Variants in EPB41L5 observed in about 807,000 individuals in gnomAD.
EPB41L5 encodes band 4.1-like protein 5.
A neutral mutation model predicts 106.6 loss-of-function variants in EPB41L5; 55 were observed. That is an observed-to-expected ratio of 0.52 (90% confidence interval 0.42 to 0.65). EPB41L5 has a LOEUF of 0.65. Among genes scored for constraint, EPB41L5 ranks in the 30% least tolerant of loss-of-function variants. The pLI, the probability that EPB41L5 is intolerant of heterozygous loss-of-function variation, is 0.00. For missense variants in EPB41L5, 871 were observed against 882.1 expected, an observed-to-expected ratio of 0.99 and a Z score of 0.16; for synonymous variants, 297 against 306.7, an observed-to-expected ratio of 0.97 and a Z score of 0.33.
rs1682412690 is a variant in EPB41L5, at chr2:120,078,536, G to A, written c.758G>A (p.Gly253Glu). The A allele has an allele frequency of 6.2e-7, 1 of 1,608,376 alleles. No individual in the cohort carries two copies. ...TATAGTTTGGGACTAACACCAACAG[G>A]AGTCCTTGTTTTTGAAGGAGATACC... Reference protein sequence around the residue: ...NDYSLGLTPTGVLVFEGDTKI... With the variant: ...NDYSLGLTPTEVLVFEGDTKI... Residue 253 changes from glycine (G) to glutamate (E), a missense_variant, in exon 10 of 25, where the codon GGA (glycine) becomes GAA (glutamate). Physicochemically the swap from Gly to Glu is moderately conservative, Grantham distance 98. Transcript: ENST00000263713.
At chr2:120,088,763 T>C (rs1230598807) in intron 11 of EPB41L5, among the ~76,000 whole-genome samples, 1 of 152,220 alleles carries the variant, frequency 6.6e-6, no homozygotes, top group African/African-American at 2.4e-5. Flanking sequence ...ATTCTGTCTT[T>C]TTCATTGTAG....
intron 22 of EPB41L5, among the ~76,000 whole-genome samples, chr2:120,167,024 T>A (rs1687444450): frequency 6.6e-6 from 1 of 152,226 alleles, no homozygotes; most frequent in Non-Finnish European, 1.5e-5. Context: ...CTAAACAGAT[T>A]ATTTTTCTGT....
chr2:120,075,028 A>T (rs950740816), intron 5 of EPB41L5, among the ~76,000 whole-genome samples: 1 of 152,178 alleles, frequency 6.6e-6, no homozygotes, highest in Admixed American at 6.5e-5. Context: ...GGGTTTCGCC[A>T]TGTTGGCCAG....
intron 3 of EPB41L5, among the ~76,000 whole-genome samples, chr2:120,046,204 T>C (rs1360488795): frequency 1.3e-5 from 2 of 152,218 alleles, no homozygotes; most frequent in African/African-American, 4.8e-5. Context: ...ATGGTATTTC[T>C]AGTTCTAGAT....
Position 120,075,510 on chromosome 2 carries a change from C to G in EPB41L5, c.442C>G (p.Leu148Val). 6.4e-7 allele frequency: 1 copy of G among 1,556,094 alleles called. No individual in the cohort carries two copies. Among genetic ancestry groups the G allele is most frequent in the Non-Finnish European group, 8.8e-7 (1 of 1,134,142 alleles). The change falls in exon 6 of 25, where the codon CTC (leucine) becomes GTC (valine). Residue 148 changes from leucine (L) to valine (V), a missense_variant. Physicochemically the swap from Leu to Val is conservative, Grantham distance 32 (BLOSUM62 1). Coordinates refer to ENST00000263713, the MANE Select transcript of EPB41L5 (RefSeq NM_020909.4). ...LFVLQLKQDI[L>V]SGKLDCPFDT... is the part of the protein sequence containing the mutation. Reference sequence around the variant, plus strand: ...TGTTCTTCAGTTAAAACAAGATATTCTCAGTGGAAAGTGAGTATTAGTTAT... The same window carrying G: ...TGTTCTTCAGTTAAAACAAGATATTGTCAGTGGAAAGTGAGTATTAGTTAT...
chr2:120,025,598 A>T (rs1678250535), intron 2 of EPB41L5, among the ~76,000 whole-genome samples: 1 of 152,152 alleles, frequency 6.6e-6, no homozygotes, highest in Non-Finnish European at 1.5e-5. Context: ...TCTTGTACAG[A>T]TGCTAAAGGC....
intron 3 of EPB41L5, among the ~76,000 whole-genome samples, chr2:120,049,715 G>T (rs905334102): frequency 2.6e-5 from 4 of 152,112 alleles, no homozygotes; most frequent in Non-Finnish European, 5.9e-5. Flanking sequence ...TGTGATGTTA[G>T]CTGGTTATTT....
chr2:120,145,913 T>A (rs376282178), intron 19 of EPB41L5, among the ~76,000 whole-genome samples: 1 of 150,712 alleles, frequency 6.6e-6, no homozygotes, highest in South Asian at 2.1e-4. Context: ...ACCACTGCAC[T>A]CCAGCCTGGG....
intron 11 of EPB41L5, among the ~76,000 whole-genome samples, chr2:120,087,567 C>T (rs1234995619): frequency 1.3e-5 from 2 of 152,184 alleles, no homozygotes; most frequent in African/African-American, 2.4e-5. Flanking sequence ...CTGTAACCTT[C>T]ACCTTCTGGG....
At chr2:120,059,103 AC>A (rs1202354676) in intron 3 of EPB41L5, among the ~76,000 whole-genome samples, 1 of 152,254 alleles carries the variant, frequency 6.6e-6, no homozygotes, top group Non-Finnish European at 1.5e-5. Context: ...TGGCAAAGCG[AC>A]AGACATGTAG....
intron 18 of EPB41L5, among the ~76,000 whole-genome samples, chr2:120,133,374 C>T (rs1468842088): frequency 6.6e-6 from 1 of 152,092 alleles, no homozygotes. Flanking sequence ...GAAAGACAGT[C>T]TTGAATGGCT....
intron 2 of EPB41L5, among the ~76,000 whole-genome samples, chr2:120,021,595 C>T (rs993939142): frequency 3.9e-5 from 6 of 152,072 alleles, no homozygotes; most frequent in Admixed American, 2.0e-4. Flanking sequence ...GAGCTGAATT[C>T]GCACCACTGC....
At chr2:120,123,648 T>A (rs997782718) in intron 16 of EPB41L5, among the ~76,000 whole-genome samples, 2 of 113,234 alleles carry the variant, frequency 1.8e-5, no homozygotes, top group Non-Finnish European at 3.5e-5. Context: ...GTTCGTCCCT[T>A]TTTTTTTTTT....
At chr2:120,158,407 AC>A (rs1686992332) in intron 20 of EPB41L5, among the ~76,000 whole-genome samples, 1 of 152,258 alleles carries the variant, frequency 6.6e-6, no homozygotes, top group Admixed American at 6.5e-5. Flanking sequence ...AAATAGCTAT[AC>A]CCCTGGGATG....
intron 3 of EPB41L5, among the ~76,000 whole-genome samples, chr2:120,046,454 T>C: frequency 6.6e-6 from 1 of 152,150 alleles, no homozygotes; most frequent in East Asian, 1.9e-4. Flanking sequence ...ATAAATGTGT[T>C]CTTTTGAGAA....
chr2:120,042,731 A>G (rs774272357), intron 3 of EPB41L5, among the ~76,000 whole-genome samples: 3 of 152,132 alleles, frequency 2.0e-5, no homozygotes, highest in Non-Finnish European at 4.4e-5. Flanking sequence ...TTCAAACTGA[A>G]TGCCCAAAGT....
chr2:120,177,535 C>T lies in EPB41L5; in HGVS notation c.*2628C>T, dbSNP rs1291234049. On this transcript the variant is annotated 3_prime_UTR_variant, in exon 25 of 25. Coordinates refer to ENST00000263713, the MANE Select transcript of EPB41L5 (RefSeq NM_020909.4). ...GGTTTAAAATAAGACGTGAAGGTTT[C>T]AGTTACCTGCTCTAGACTTTGCCTG... 1 of 152,172 alleles carries T rather than the reference C, an allele frequency of 6.6e-6. No individual in the cohort carries two copies. Among genetic ancestry groups the T allele is most frequent in the Admixed American group, 6.5e-5 (1 of 15,272 alleles). 9.4% of individuals were successfully genotyped at this position (152,172 alleles called of 1,614,324 possible).
At chr2:120,079,597 A>T (rs1429623152) in intron 10 of EPB41L5, among the ~76,000 whole-genome samples, 1 of 152,174 alleles carries the variant, frequency 6.6e-6, no homozygotes, top group Non-Finnish European at 1.5e-5. Context: ...ACTGCTCGAT[A>T]AAGCCTGTTC....
In EPB41L5 at chr2:120,146,308, T is replaced by A. The variant is rs1346966446; in HGVS notation, c.1793+19T>A. 6.4e-7 allele frequency: 1 copy of A among 1,555,454 alleles called. No homozygotes were observed. The highest frequency in any genetic ancestry group is 8.8e-7 in the Non-Finnish European group (1 of 1,131,662). ...CAAACAGGTACAGTTCTGGGTAGAC[T>A]GAATTAAATTGATGTTCTTATCTAT... On this transcript the variant is annotated intron_variant, in intron 20 of 24. Coordinates refer to ENST00000263713, the MANE Select transcript of EPB41L5 (RefSeq NM_020909.4).
Sources: gnomAD v4.1 joint callset for allele counts (sites outside exome capture counted in the v4.1 genomes callset) on GRCh38, gnomAD v4.1.1 for gene constraint, MANE v1.5 for transcripts, NCBI Gene and HGNC (gene_info 2026-07-23, HGNC 2026-07-21) for gene names.